SGCD: variants seen among roughly 807,000 people sequenced by gnomAD.
SGCD encodes the protein delta-sarcoglycan.
Under a neutral mutation model 36.6 loss-of-function variants are expected in SGCD, and 18 were observed. The ratio of observed to expected loss-of-function variants is 0.49; its 90% CI spans 0.34 to 0.73. The LOEUF (loss-of-function observed/expected upper bound fraction) is 0.73, where lower values mean the gene tolerates loss of function less well. SGCD is among the 30% of genes least tolerant of loss of function. The pLI is 0.01. For synonymous variants in SGCD, 133 were observed against 130.6 expected, an observed-to-expected ratio of 1.02 and a Z score of -0.12; for missense variants, 387 against 346.7, an observed-to-expected ratio of 1.12 and a Z score of -0.92.
upstream of SGCD, among the ~76,000 whole-genome samples, chr5:156,323,913 G>C (rs922867092): frequency 1.3e-5 from 2 of 152,178 alleles, no homozygotes; most frequent in African/African-American, 4.8e-5. Context: ...TTAAATACTA[G>C]CAGTGCCTAC....
intron 3 of SGCD, among the ~76,000 whole-genome samples, chr5:156,137,407 A>C (rs2127608819): frequency 6.6e-6 from 1 of 152,350 alleles, no homozygotes; most frequent in Non-Finnish European, 1.5e-5. Flanking sequence ...CATGGAGAAC[A>C]TGTAGAAAAA....
In SGCD at chr5:156,766,408, C is replaced by G. The variant is rs1469025178; in HGVS notation, c.*7018C>G. The G allele has an allele frequency of 6.6e-6, 1 of 151,826 alleles. No homozygotes were observed. Among genetic ancestry groups the G allele is most frequent in the Non-Finnish European group, 1.5e-5 (1 of 68,032 alleles). 9.4% of individuals were successfully genotyped at this position (151,826 alleles called of 1,614,324 possible). ...TCCTGTAATGTCTTTGGCCTCACAC[C>G]TTGGCAGCCATCATTAATGGGCCAT... On this transcript the variant is annotated 3_prime_UTR_variant, in exon 9 of 9. Coordinates refer to ENST00000337851, the MANE Select transcript of SGCD (RefSeq NM_000337.6).
the SGCD span, among the ~76,000 whole-genome samples, chr5:155,730,383 A>G: frequency 8.6e-5 from 13 of 151,180 alleles, no homozygotes; most frequent in Admixed American, 7.2e-4. Flanking sequence ...TCATGGGAGA[A>G]GCTCTGGAAT....
intron 1 of SGCD, among the ~76,000 whole-genome samples, chr5:155,929,798 A>T (rs1015950918): frequency 4.6e-5 from 7 of 152,138 alleles, no homozygotes; most frequent in African/African-American, 1.7e-4. Flanking sequence ...AATCATTCAC[A>T]CAAGTAGTTT....
At chr5:156,256,730 C>T (rs994667814) in intron 3 of SGCD, among the ~76,000 whole-genome samples, 2 of 152,150 alleles carry the variant, frequency 1.3e-5, no homozygotes, top group Non-Finnish European at 1.5e-5. Flanking sequence ...AGACTTTAAA[C>T]CATGATTGTC....
intron 3 of SGCD, among the ~76,000 whole-genome samples, chr5:156,385,540 A>T (rs1246327945): frequency 2.6e-5 from 4 of 152,244 alleles, no homozygotes. Flanking sequence ...TTTTCACAAT[A>T]TATTTGGACA....
At chr5:155,874,753 C>G (rs1755731229) in intron 1 of SGCD, among the ~76,000 whole-genome samples, 1 of 152,036 alleles carries the variant, frequency 6.6e-6, no homozygotes, top group African/African-American at 2.4e-5. Flanking sequence ...AATAAAGAAA[C>G]TGAAAATACC....
At chr5:155,830,589 C>T in the SGCD span, among the ~76,000 whole-genome samples, 2 of 152,160 alleles carry the variant, frequency 1.3e-5, no homozygotes, top group African/African-American at 4.8e-5. Flanking sequence ...CTTCTCTGGC[C>T]TTGTATCTCT....
At chr5:156,537,388 A>G (rs1758160335) in intron 4 of SGCD, among the ~76,000 whole-genome samples, 1 of 151,042 alleles carries the variant, frequency 6.6e-6, no homozygotes, top group Non-Finnish European at 1.5e-5. Flanking sequence ...TGGATAGAGA[A>G]CACATTTCAA....
At chr5:156,388,691 A>G (rs981432789) in intron 3 of SGCD, among the ~76,000 whole-genome samples, 1 of 152,192 alleles carries the variant, frequency 6.6e-6, no homozygotes, top group Non-Finnish European at 1.5e-5. Flanking sequence ...CAATGTTGTG[A>G]TTCTTCTTGA....
chr5:156,734,158 T>C (rs1561884076), intron 7 of SGCD, among the ~76,000 whole-genome samples: 2 of 152,306 alleles, frequency 1.3e-5, no homozygotes, highest in African/African-American at 2.4e-5. Context: ...CCTTGTCTTA[T>C]GAAGAATTCT....
intron 3 of SGCD, among the ~76,000 whole-genome samples, chr5:156,294,771 C>T (rs552554279): frequency 1.3e-5 from 2 of 152,144 alleles, no homozygotes; most frequent in African/African-American, 4.8e-5. Flanking sequence ...TCTGTTAATA[C>T]GTTATATCAA....
intron 3 of SGCD, among the ~76,000 whole-genome samples, chr5:156,311,457 T>C (rs1767386605): frequency 6.6e-6 from 1 of 152,188 alleles, no homozygotes; most frequent in Non-Finnish European, 1.5e-5. Flanking sequence ...TAAAATGATA[T>C]GCATATATAG....
intron 1 of SGCD, among the ~76,000 whole-genome samples, chr5:155,972,777 A>G (rs1046179734): frequency 1.6e-4 from 24 of 152,158 alleles, no homozygotes; most frequent in Admixed American, 1.5e-3. Context: ...AGACAAAACA[A>G]TTTTTATATA....
chr5:156,351,258 T>C (rs991718174), intron 3 of SGCD, among the ~76,000 whole-genome samples: 2 of 152,186 alleles, frequency 1.3e-5, no homozygotes, highest in Admixed American at 6.5e-5. Flanking sequence ...TACCCATAGG[T>C]TGGTGGAAGA....
intron 4 of SGCD, among the ~76,000 whole-genome samples, chr5:156,518,609 T>C (rs1303844199): frequency 6.6e-6 from 1 of 152,112 alleles, no homozygotes; most frequent in Non-Finnish European, 1.5e-5. Context: ...TGATTGGAAG[T>C]AAAACACTCC....
intron 3 of SGCD, among the ~76,000 whole-genome samples, chr5:156,135,587 T>A (rs1257403750): frequency 2.0e-5 from 3 of 151,768 alleles, no homozygotes; most frequent in African/African-American, 7.3e-5. Context: ...CAGTTACTTT[T>A]TCCTTGTCTC....
At chr5:156,142,865 C>G (rs942480407) in intron 3 of SGCD, among the ~76,000 whole-genome samples, 2 of 152,126 alleles carry the variant, frequency 1.3e-5, no homozygotes, top group African/African-American at 4.8e-5. Flanking sequence ...AAATTTGCAG[C>G]CTGACCCTGT....
At chr5:156,180,454 C>T (rs4540164) in intron 3 of SGCD, among the ~76,000 whole-genome samples, 1 of 151,908 alleles carries the variant, frequency 6.6e-6, no homozygotes, top group Non-Finnish European at 1.5e-5. Context: ...TAGATAAAAA[C>T]ATTTTAAACT....
Sources: allele counts gnomAD v4.1 joint callset (sites outside exome capture counted in the v4.1 genomes callset), GRCh38; gene constraint gnomAD v4.1.1; transcripts MANE v1.5; gene names NCBI Gene and HGNC (gene_info 2026-07-23, HGNC 2026-07-21).